PRKD3: variants seen among roughly 807,000 people sequenced by gnomAD.
PRKD3 encodes protein kinase D3.
PRKD3 carries 47 observed loss-of-function variants against 99.2 expected under a neutral mutation model. The observed-to-expected ratio is 0.47, with a 90% CI of 0.38 to 0.60. The LOEUF (loss-of-function observed/expected upper bound fraction) is 0.60, where lower values mean the gene tolerates loss of function less well. Among genes scored for constraint, PRKD3 ranks in the 20% least tolerant of loss-of-function variants. The pLI, the probability that PRKD3 is intolerant of heterozygous loss-of-function variation, is 0.00. For missense variants in PRKD3, 1,019 were observed against 1,088.4 expected (o/e 0.94, Z 0.90); for synonymous variants, 392 against 355.4 (o/e 1.10, Z -1.16).
intron 7 of PRKD3, 88 bp downstream of exon 7, chr2:37,282,454 A>G: frequency 1.2e-6 from 1 of 861,646 alleles, no homozygotes; most frequent in Non-Finnish European, 1.9e-6. Flanking sequence ...AAAATAAATC[A>G]GGAAAACAGA....
chr2:37,269,308 C>G, intron 13 of PRKD3: 1 of 329,154 alleles, frequency 3.0e-6, no homozygotes, highest in Non-Finnish European at 5.9e-6. Flanking sequence ...TAAGCCCACT[C>G]AGCCCAACAT....
chr2:37,324,368 G>C (rs1222935812), intron 1 of PRKD3: 1 of 278,386 alleles, frequency 3.6e-6, no homozygotes, highest in Non-Finnish European at 5.4e-6. Flanking sequence ...GCGAACCCAA[G>C]TTGCCCTCCG....
At chr2:37,280,808 G>A (rs374264899) in intron 7 of PRKD3, among the ~76,000 whole-genome samples, 7 of 152,112 alleles carry the variant, frequency 4.6e-5, no homozygotes, top group African/African-American at 1.7e-4. Flanking sequence ...AACACCTTAC[G>A]AAGTGAAATG....
intron 2 of PRKD3, among the ~76,000 whole-genome samples, chr2:37,298,384 T>C (rs1020400218): frequency 6.6e-5 from 10 of 150,948 alleles, no homozygotes; most frequent in Admixed American, 5.3e-4. Flanking sequence ...CACTTAGCAA[T>C]ATAGAGATCA....
At position 37,293,302 on chromosome 2, in the gene PRKD3, C is replaced by A. The variant is rs1269861238; in HGVS notation, c.289-31G>T. 4.7e-6 allele frequency: 7 copies of A among 1,490,580 alleles called. No individual in the cohort carries two copies. The East Asian group carries it at 1.4e-4, about 29-fold the overall frequency. The allele number at this position is 1,490,580 out of a possible 1,614,324, so 92.3% of individuals were successfully genotyped here. ...GGATAATAGTCCTATATCAGTATGA[C>A]CACAGTTTTCTATTTTTATAAGTAA... is the stretch of plus-strand genomic sequence containing the variant. On this transcript the variant is annotated intron_variant, in intron 2 of 18. Transcript: ENST00000234179.
chr2:37,260,830 CTTATAATA>C (rs931831481), intron 14 of PRKD3, among the ~76,000 whole-genome samples: 1 of 152,088 alleles, frequency 6.6e-6, no homozygotes, highest in African/African-American at 2.4e-5. Flanking sequence ...AGTCTTGATT[CTTATAATA>C]TTATAATCAT....
At position 37,317,129 on chromosome 2, in the gene PRKD3, A is replaced by T. The variant is rs1310238004; in HGVS notation, c.-605T>A. The T allele has an allele frequency of 1.0e-6, 1 of 985,418 alleles. No homozygotes were observed. The highest frequency in any genetic ancestry group is 5.2e-4 in the Middle Eastern group (1 of 1,914). The allele number at this position is 985,418 out of a possible 1,614,324, so 61.0% of individuals were successfully genotyped here. Reference sequence around the variant, plus strand: ...TAAAATAGTACAGGCATATTTCATTAGATGAATGGGTCCATCGAGAAAAGC... The same window carrying T: ...TAAAATAGTACAGGCATATTTCATTTGATGAATGGGTCCATCGAGAAAAGC... On this transcript the variant is annotated 5_prime_UTR_variant, in exon 2 of 19. It removes the in-frame stop codon of an upstream open reading frame in the 5' UTR. Transcript: ENST00000234179.
At chr2:37,295,201 A>G (rs1049659024) in intron 2 of PRKD3, among the ~76,000 whole-genome samples, 4 of 152,228 alleles carry the variant, frequency 2.6e-5, no homozygotes, top group African/African-American at 9.6e-5. Flanking sequence ...AAGACAGAAT[A>G]GTCCTTATCT....
In PRKD3 at chr2:37,310,097, G is replaced by T. The variant is rs139495362; in HGVS notation, c.288+6140C>A. Among the ~76,000 whole-genome samples the T allele has an allele frequency of 1.9e-3, 292 of 152,240 alleles. 1 individual carries two copies. Among genetic ancestry groups the T allele is most frequent in the African/African-American group, 6.4e-3 (267 of 41,546 alleles). ...TCAGCTGTCTTCTACAGAGAAAACA[G>T]ATTTTGACATATGTATATATTCTAT... is the stretch of plus-strand genomic sequence containing the variant. On this transcript the variant is annotated intron_variant, in intron 2 of 18. Transcript: ENST00000234179.
chr2:37,309,199 G>A (rs577410421), intron 2 of PRKD3, among the ~76,000 whole-genome samples: 15 of 152,054 alleles, frequency 9.9e-5, no homozygotes, highest in Non-Finnish European at 1.8e-4. Flanking sequence ...GGACTTACCC[G>A]TTTCTTAAGA....
At position 37,255,441 on chromosome 2, in the gene PRKD3, G is replaced by A. The variant is rs532028754; in HGVS notation, c.2414-1152C>T. 2.0e-5 allele frequency among the ~76,000 whole-genome samples: 3 copies of A among 152,178 alleles called. No homozygotes were observed. The East Asian group carries it at 5.8e-4, about 29-fold the overall frequency. On this transcript the variant is annotated intron_variant, in intron 17 of 18. Transcript: ENST00000234179. ...AGTAGTGTACTTGTCCTTCCTATCAGTATCAGCAGACTAAAGAGGGCCAGC... is the reference window on the plus strand; with the variant it reads ...AGTAGTGTACTTGTCCTTCCTATCAATATCAGCAGACTAAAGAGGGCCAGC...
chr2:37,260,641 T>C (rs1668362494), intron 14 of PRKD3, among the ~76,000 whole-genome samples: 1 of 152,230 alleles, frequency 6.6e-6, no homozygotes, highest in South Asian at 2.1e-4. Flanking sequence ...CCATTACTAC[T>C]ACTTTTCCTT....
chr2:37,257,013 C>T, intron 16 of PRKD3, 84 bp from the exon 17 acceptor site: 1 of 1,367,274 alleles, frequency 7.3e-7, no homozygotes, highest in Non-Finnish European at 1.0e-6. Flanking sequence ...CTGTATGTAT[C>T]ATTTCAACAT....
At chr2:37,305,505 G>C (rs1170366898) in intron 2 of PRKD3, among the ~76,000 whole-genome samples, 1 of 152,166 alleles carries the variant, frequency 6.6e-6, no homozygotes, top group African/African-American at 2.4e-5. Flanking sequence ...TATCTTCTAA[G>C]CCTCTTAGCA....
intron 16 of PRKD3, among the ~76,000 whole-genome samples, chr2:37,257,375 T>TA: frequency 6.6e-6 from 1 of 152,138 alleles, no homozygotes; most frequent in South Asian, 2.1e-4. Context: ...AAAAATAAGT[T>TA]ACAGTATTAG....
chr2:37,316,116 C>T, intron 2 of PRKD3, 121 bp downstream of exon 2: 1 of 1,104,280 alleles, frequency 9.1e-7, no homozygotes, highest in South Asian at 1.6e-5. Context: ...AGAACTCTTC[C>T]AAAAATGCAC....
intron 16 of PRKD3, among the ~76,000 whole-genome samples, chr2:37,258,883 T>C (rs1202965224): frequency 1.3e-5 from 2 of 152,218 alleles, no homozygotes; most frequent in Non-Finnish European, 2.9e-5. Flanking sequence ...AACAATAGTT[T>C]GGCAACAGAT....
chr2:37,252,063 A>G lies in PRKD3; in HGVS notation c.*1114T>C, dbSNP rs1294182610. 3 of 152,162 alleles carry G rather than the reference A, an allele frequency of 2.0e-5. No individual in the cohort carries two copies. Among genetic ancestry groups the G allele is most frequent in the Non-Finnish European group, 2.9e-5 (2 of 68,010 alleles). The allele number at this position is 152,162 out of a possible 1,614,324, so 9.4% of individuals were successfully genotyped here. ...TTTCATTCTTTAATTTGCTGTGCTGATAATACAGCCCCAGCCTTATAAACT... is the reference window on the plus strand; with the variant it reads ...TTTCATTCTTTAATTTGCTGTGCTGGTAATACAGCCCCAGCCTTATAAACT... On this transcript the variant is annotated 3_prime_UTR_variant, in exon 19 of 19. Coordinates refer to ENST00000234179, the MANE Select transcript of PRKD3 (RefSeq NM_005813.6).
chr2:37,267,078 A>G (rs1182231572), intron 14 of PRKD3, among the ~76,000 whole-genome samples: 1 of 152,202 alleles, frequency 6.6e-6, no homozygotes, highest in Non-Finnish European at 1.5e-5. Flanking sequence ...GTTAAAAGGT[A>G]CATAATTTTA....
Sources: allele counts gnomAD v4.1 joint callset (sites outside exome capture counted in the v4.1 genomes callset), GRCh38; gene constraint gnomAD v4.1.1; transcripts MANE v1.5; gene names NCBI Gene and HGNC (gene_info 2026-07-23, HGNC 2026-07-21).